The following PDE1C variants were observed in gnomAD, a reference collection of about 807,000 sequenced individuals.
PDE1C encodes the protein dual specificity calcium/calmodulin-dependent 3',5'-cyclic nucleotide phosphodiesterase 1C.
A neutral mutation model predicts 93.1 loss-of-function variants in PDE1C; 62 were observed. That is an observed-to-expected ratio of 0.67 (90% CI 0.54 to 0.82). The LOEUF (loss-of-function observed/expected upper bound fraction) is 0.82. Among genes scored for constraint, PDE1C ranks in the 40% least tolerant of loss-of-function variants. The probability of loss-of-function intolerance (pLI) is 0.00; values close to 1 mark genes in which losing one functional copy is unlikely to be tolerated. For synonymous variants in PDE1C, 325 were observed against 310.1 expected (o/e 1.05, Z -0.50); for missense variants, 742 against 884.6 (o/e 0.84, Z 2.04).
intron 3 of PDE1C, among the ~76,000 whole-genome samples, chr7:32,087,079 G>T (rs1563300935): frequency 6.6e-6 from 1 of 152,070 alleles, no homozygotes; most frequent in Non-Finnish European, 1.5e-5. Flanking sequence ...CCTACAAAAT[G>T]GGAGAAAATT....
chr7:32,054,870 C>T (rs1452648961), intron 1 of PDE1C, among the ~76,000 whole-genome samples: 1 of 152,172 alleles, frequency 6.6e-6, no homozygotes, highest in Admixed American at 6.5e-5. Flanking sequence ...ATCCAACTCT[C>T]AGATTATTTT....
chr7:32,163,242 G>A (rs1335629208), intron 3 of PDE1C, among the ~76,000 whole-genome samples: 1 of 152,112 alleles, frequency 6.6e-6, no homozygotes, highest in Admixed American at 6.5e-5. Context: ...TCATCCCAGG[G>A]CGGGGCCGAA....
At chr7:32,418,664 G>A (rs1472900729) in intron 1 of PDE1C, among the ~76,000 whole-genome samples, 5 of 152,120 alleles carry the variant, frequency 3.3e-5, no homozygotes, top group Non-Finnish European at 7.4e-5. Context: ...CCTCATATTT[G>A]TAACATTTTT....
intron 2 of PDE1C, among the ~76,000 whole-genome samples, chr7:31,933,828 A>G (rs1323005408): frequency 3.3e-5 from 5 of 152,196 alleles, no homozygotes; most frequent in Non-Finnish European, 5.9e-5. Flanking sequence ...TCTGCCTTGA[A>G]TGAAAGTTTT....
the PDE1C span, chr7:31,695,360 G>C: frequency 1.0e-6 from 1 of 981,362 alleles, no homozygotes; most frequent in Non-Finnish European, 1.5e-6. Context: ...TCCTTTTCAG[G>C]CCAAATCACC....
the PDE1C span, chr7:31,707,151 C>T: frequency 6.5e-7 from 1 of 1,527,658 alleles, no homozygotes; most frequent in Admixed American, 1.7e-5. Context: ...TGCAACGTTG[C>T]CTAATGTTTT....
At chr7:32,111,445 C>T (rs1214435751) in intron 3 of PDE1C, among the ~76,000 whole-genome samples, 1 of 152,156 alleles carries the variant, frequency 6.6e-6, no homozygotes, top group African/African-American at 2.4e-5. Context: ...ATCCTTCCCC[C>T]ATCATGAGAT....
downstream of PDE1C, among the ~76,000 whole-genome samples, chr7:31,748,997 T>A (rs1794063672): frequency 6.6e-6 from 1 of 152,176 alleles, no homozygotes; most frequent in South Asian, 2.1e-4. Flanking sequence ...GAGATTTGGA[T>A]GAAAATCCTA....
intron 16 of PDE1C, among the ~76,000 whole-genome samples, chr7:31,791,648 GA>G (rs1784606449): frequency 6.6e-6 from 1 of 152,120 alleles, no homozygotes; most frequent in African/African-American, 2.4e-5. Context: ...TAGGATGACA[GA>G]AGGTTGGGTT....
chr7:32,166,470 T>C (rs1802280820), intron 3 of PDE1C, among the ~76,000 whole-genome samples: 1 of 152,144 alleles, frequency 6.6e-6, no homozygotes, highest in Non-Finnish European at 1.5e-5. Context: ...CTCCCAAGAC[T>C]CTGCTAAACT....
chr7:32,151,775 A>G (rs972506716), intron 3 of PDE1C, among the ~76,000 whole-genome samples: 1 of 152,204 alleles, frequency 6.6e-6, no homozygotes, highest in Non-Finnish European at 1.5e-5. Flanking sequence ...AGGCAGGAAG[A>G]AGGAGTTACA....
chr7:32,259,740 C>T (rs1029149255), intron 1 of PDE1C, among the ~76,000 whole-genome samples: 20 of 152,258 alleles, frequency 1.3e-4, no homozygotes, highest in African/African-American at 4.8e-4. Flanking sequence ...TATGATGTTG[C>T]TAAAGAAGCC....
chr7:31,869,903 T>C (rs1795726260), intron 6 of PDE1C, among the ~76,000 whole-genome samples: 2 of 151,984 alleles, frequency 1.3e-5, no homozygotes, highest in Non-Finnish European at 2.9e-5. Context: ...ATCAAAATAA[T>C]ATCAAGTGTC....
rs545502191 is a variant in PDE1C, at chr7:31,955,086, G to A, written c.129-74226C>T. 1.6e-3 allele frequency among the ~76,000 whole-genome samples: 242 copies of A among 152,210 alleles called. 2 individuals carry two copies. Among genetic ancestry groups the A allele is most frequent in the Non-Finnish European group, 1.9e-3 (131 of 68,000 alleles). On this transcript the variant is annotated intron_variant, in intron 2 of 17. Coordinates refer to ENST00000396191, the MANE Select transcript of PDE1C (RefSeq NM_001191057.4). ...CTCTCTCTTTGTACTTTGAATCACC[G>A]CCCCAACAGACCTGGCAATAATTCC...
At chr7:31,834,739 A>G (rs764932246) in intron 11 of PDE1C, among the ~76,000 whole-genome samples, 47 of 152,132 alleles carry the variant, frequency 3.1e-4, no homozygotes, top group Non-Finnish European at 4.4e-4. Context: ...GCCTTGTCTC[A>G]GATGAGACTT....
chr7:31,867,861 C>T (rs913132231), intron 6 of PDE1C, among the ~76,000 whole-genome samples: 17 of 152,220 alleles, frequency 1.1e-4, no homozygotes, highest in African/African-American at 3.9e-4. Context: ...GGCATCCCAT[C>T]TCCAGTGAAA....
chr7:31,639,736 C>G, the PDE1C span, among the ~76,000 whole-genome samples: 1 of 151,922 alleles, frequency 6.6e-6, no homozygotes, highest in Non-Finnish European at 1.5e-5. Context: ...CGGGGTTTCA[C>G]TGTGTTAGCC....
chr7:32,008,348 T>C (rs1391973456), intron 2 of PDE1C, among the ~76,000 whole-genome samples: 1 of 152,208 alleles, frequency 6.6e-6, no homozygotes, highest in Non-Finnish European at 1.5e-5. Flanking sequence ...AGGCTTGACC[T>C]TCACTGTTCA....
chr7:31,705,779 G>A, the PDE1C span, among the ~76,000 whole-genome samples: 1 of 151,958 alleles, frequency 6.6e-6, no homozygotes, highest in Non-Finnish European at 1.5e-5. Context: ...GCAGTGCGAG[G>A]CAGTGGTGGG....
Sources: gnomAD v4.1 joint callset for allele counts (sites outside exome capture counted in the v4.1 genomes callset) on GRCh38, gnomAD v4.1.1 for gene constraint, MANE v1.5 for transcripts, NCBI Gene and HGNC (gene_info 2026-07-23, HGNC 2026-07-21) for gene names.